IMMP2L: variants seen among roughly 807,000 people sequenced by gnomAD.
IMMP2L encodes mitochondrial inner membrane protease subunit 2.
In IMMP2L, 18 loss-of-function variants were observed where a neutral mutation model predicts 19.3. The ratio of observed to expected loss-of-function variants is 0.93; its 90% confidence interval spans 0.64 to 1.38. IMMP2L has a LOEUF of 1.38. Among genes scored for constraint, IMMP2L ranks in the 40% most tolerant of loss-of-function variants. IMMP2L has a pLI of 0.00. For synonymous variants in IMMP2L, 76 were observed against 73.0 expected (o/e 1.04, Z -0.21); for missense variants, 233 against 218.2 (o/e 1.07, Z -0.43).
chr7:111,369,791 C>CT (rs975204482), intron 3 of IMMP2L, among the ~76,000 whole-genome samples: 1 of 151,834 alleles, frequency 6.6e-6, no homozygotes, highest in Non-Finnish European at 1.5e-5. Context: ...TAGACCTAGG[C>CT]TTAGATATAC....
intron 5 of IMMP2L, among the ~76,000 whole-genome samples, chr7:110,750,505 T>G (rs1797653315): frequency 6.6e-6 from 1 of 152,114 alleles, no homozygotes; most frequent in Non-Finnish European, 1.5e-5. Flanking sequence ...TCTTTATATA[T>G]TTTAAACTAA....
chr7:111,258,667 T>G (rs1816985326), intron 3 of IMMP2L, among the ~76,000 whole-genome samples: 1 of 151,928 alleles, frequency 6.6e-6, no homozygotes, highest in Non-Finnish European at 1.5e-5. Flanking sequence ...CAACCACACC[T>G]GGCTACATTT....
At chr7:110,941,495 T>C (rs1177652422) in intron 4 of IMMP2L, among the ~76,000 whole-genome samples, 1 of 152,174 alleles carries the variant, frequency 6.6e-6, no homozygotes, top group African/African-American at 2.4e-5. Context: ...CTTATAATTA[T>C]ATTAATGCAT....
At chr7:111,072,848 A>G (rs1795073693) in intron 3 of IMMP2L, among the ~76,000 whole-genome samples, 1 of 151,092 alleles carries the variant, frequency 6.6e-6, no homozygotes, top group Non-Finnish European at 1.5e-5. Context: ...GCTTGCAGCG[A>G]GCCAAGATTG....
chr7:110,905,714 G>A (rs1340825538), intron 4 of IMMP2L, among the ~76,000 whole-genome samples: 6 of 152,116 alleles, frequency 3.9e-5, no homozygotes, highest in Non-Finnish European at 7.4e-5. Flanking sequence ...TAAGTGTGAT[G>A]TCACATATGG....
At chr7:110,882,628 G>T (rs181977972) in intron 5 of IMMP2L, among the ~76,000 whole-genome samples, 19 of 152,026 alleles carry the variant, frequency 1.2e-4, no homozygotes, top group Non-Finnish European at 1.5e-5. Context: ...TGATCCACCC[G>T]CCTCGGCTTC....
At chr7:111,281,158 GAAAGAAAGAA>G (rs1819713744) in intron 3 of IMMP2L, among the ~76,000 whole-genome samples, 1 of 19,676 alleles carries the variant, frequency 5.1e-5, no homozygotes, top group Non-Finnish European at 1.1e-4. Flanking sequence ...CAGAAAGACA[GAAAGAAAGAA>G]AGAAAGAAAG....
At chr7:111,266,003 A>G (rs1817792489) in intron 3 of IMMP2L, among the ~76,000 whole-genome samples, 1 of 152,160 alleles carries the variant, frequency 6.6e-6, no homozygotes, top group Non-Finnish European at 1.5e-5. Flanking sequence ...ACATGGGGGC[A>G]TGCCTCTTTT....
intron 3 of IMMP2L, among the ~76,000 whole-genome samples, chr7:111,017,104 C>A (rs1028915288): frequency 2.0e-5 from 3 of 148,466 alleles, no homozygotes; most frequent in Non-Finnish European, 4.4e-5. Context: ...GAAAGAGTCT[C>A]GCTCTGTTGC....
intron 5 of IMMP2L, among the ~76,000 whole-genome samples, chr7:110,822,417 A>T (rs1318297946): frequency 6.6e-6 from 1 of 152,102 alleles, no homozygotes; most frequent in Non-Finnish European, 1.5e-5. Flanking sequence ...GTAGTTCCTC[A>T]TACTTTAGCA....
Position 110,728,271 on chromosome 7 carries a change from G to A in IMMP2L, c.409-64550C>T, listed in dbSNP as rs1217387649. On this transcript the variant is annotated intron_variant, in intron 5 of 5. Coordinates refer to ENST00000405709, the MANE Select transcript of IMMP2L (RefSeq NM_032549.4). The surrounding 1 kb of genome is among the most constrained non-coding windows in gnomAD (Gnocchi z 4.6). The stretch of plus-strand genomic sequence containing the variant: ...CCCAGCAGGTTGGGAAGCCAAGGCA[G>A]GCAGATGGCTTGAGCTCAGGAGTTT... 6.6e-6 allele frequency among the ~76,000 whole-genome samples: 1 copy of A among 152,148 alleles called. No individual in the cohort carries two copies. The highest frequency in any genetic ancestry group is 1.5e-5 in the Non-Finnish European group (1 of 68,046).
At chr7:111,147,444 T>C (rs573001640) in intron 3 of IMMP2L, among the ~76,000 whole-genome samples, 2 of 152,270 alleles carry the variant, frequency 1.3e-5, no homozygotes, top group African/African-American at 4.8e-5. Context: ...CAACAGAGAC[T>C]TGTAAACTGG....
chr7:111,527,905 G>C (rs1728058779), intron 1 of IMMP2L, among the ~76,000 whole-genome samples: 1 of 152,102 alleles, frequency 6.6e-6, no homozygotes, highest in Admixed American at 6.6e-5. Context: ...AGCAATAAAA[G>C]CTACCCTGGA....
At chr7:111,140,335 C>T (rs1802752460) in intron 3 of IMMP2L, among the ~76,000 whole-genome samples, 1 of 152,124 alleles carries the variant, frequency 6.6e-6, no homozygotes, top group Non-Finnish European at 1.5e-5. Flanking sequence ...TTGGCAAAGG[C>T]AGATATGACA....
chr7:110,876,297 A>G (rs1014791294), intron 5 of IMMP2L, among the ~76,000 whole-genome samples: 1 of 152,160 alleles, frequency 6.6e-6, no homozygotes. Context: ...TTTACCAAAA[A>G]AGAGTAGAAA....
At chr7:111,209,086 A>T (rs1023489158) in intron 3 of IMMP2L, among the ~76,000 whole-genome samples, 1 of 152,188 alleles carries the variant, frequency 6.6e-6, no homozygotes, top group Admixed American at 6.5e-5. Context: ...ATCTGAAAGT[A>T]ATGTTCAGAA....
At position 110,915,117 on chromosome 7, in the gene IMMP2L, A is replaced by G. The variant is rs188936748; in HGVS notation, c.306-28422T>C. 3.9e-5 allele frequency among the ~76,000 whole-genome samples: 6 copies of G among 152,326 alleles called. No homozygotes were observed. In the East Asian group the frequency reaches 1.2e-3, roughly 29 times the overall value. On this transcript the variant is annotated intron_variant, in intron 4 of 5. Transcript: ENST00000405709. ...TATATCCAAAGGAAATGAAAACAGTATCTTAAGAGGTATCTGCTCCCCCGT... is the reference window on the plus strand; with the variant it reads ...TATATCCAAAGGAAATGAAAACAGTGTCTTAAGAGGTATCTGCTCCCCCGT...
chr7:111,368,111 C>T (rs1829949463), intron 3 of IMMP2L, among the ~76,000 whole-genome samples: 1 of 151,368 alleles, frequency 6.6e-6, no homozygotes, highest in East Asian at 1.9e-4. Flanking sequence ...ATTGAATATG[C>T]TTATATGGAA....
In IMMP2L at chr7:110,870,892, G is replaced by A. The variant is rs1032401085; in HGVS notation, c.408+15701C>T. Among the ~76,000 whole-genome samples the A allele has an allele frequency of 1.3e-5, 2 of 152,128 alleles. No individual in the cohort carries two copies. The highest frequency in any genetic ancestry group is 6.6e-5 in the Admixed American group (1 of 15,262). On this transcript the variant is annotated intron_variant, in intron 5 of 5. Transcript: ENST00000405709. The surrounding 1 kb of genome is among the most constrained non-coding windows in gnomAD (Gnocchi z 4.2). ...TTCATGTAGGCTAGAGATCGGGTTT[G>A]AGGATAACTGTAAGATAACTGCAGC...
Sources: allele counts gnomAD v4.1 joint callset (sites outside exome capture counted in the v4.1 genomes callset), GRCh38; gene constraint gnomAD v4.1.1; non-coding constraint Gnocchi (gnomAD v3.1); transcripts MANE v1.5; gene names NCBI Gene and HGNC (gene_info 2026-07-23, HGNC 2026-07-21).